STPG1: variants seen among roughly 807,000 people sequenced by gnomAD.
STPG1 encodes the protein sperm tail PG-rich repeat containing 1.
Under a neutral mutation model 40.1 loss-of-function variants are expected in STPG1, and 33 were observed. The ratio of observed to expected loss-of-function variants is 0.82; its 90% CI spans 0.62 to 1.10. The LOEUF (loss-of-function observed/expected upper bound fraction) is 1.10. Ranked by LOEUF, STPG1 falls within the 50% of genes least tolerant of loss-of-function variation. The pLI is 0.00. For synonymous variants in STPG1, 150 were observed against 155.0 expected (o/e 0.97, Z 0.24); for missense variants, 396 against 415.1 (o/e 0.95, Z 0.40).
At chr1:24,396,633 A>G (rs774539453) in intron 2 of STPG1, among the ~76,000 whole-genome samples, 47 of 152,202 alleles carry the variant, frequency 3.1e-4, no homozygotes, top group Admixed American at 5.2e-4. Context: ...AGTGGGTCAG[A>G]TTTGGTCCAA....
At chr1:24,378,509 C>T (rs1642133187) in intron 5 of STPG1, among the ~76,000 whole-genome samples, 1 of 152,078 alleles carries the variant, frequency 6.6e-6, no homozygotes, top group Admixed American at 6.5e-5. Flanking sequence ...GTGGCGGGTG[C>T]CTGTAGTCCC....
At position 24,399,477 on chromosome 1, in the gene STPG1, G is replaced by T. The variant is rs1249543486; in HGVS notation, c.70+1842C>A. On this transcript the variant is annotated intron_variant, in intron 2 of 8. Coordinates refer to ENST00000337248, the MANE Select transcript of STPG1 (RefSeq NM_001199013.2). This position sits in a 1 kb window ranked among gnomAD's most constrained non-coding sequence, Gnocchi z 4.0. ...TCTAGAAGAAACTATCTTGGGATGG[G>T]CAAAGATTTCTTAAGTATTAATAAA... Among the ~76,000 whole-genome samples the T allele has an allele frequency of 1.3e-5, 2 of 152,078 alleles. No individual in the cohort carries two copies. Among genetic ancestry groups the T allele is most frequent in the Middle Eastern group, 3.2e-3 (1 of 316 alleles).
intron 2 of STPG1, among the ~76,000 whole-genome samples, chr1:24,396,299 C>CTATCTATCTATCTATCTATCATCT (rs58386447): frequency 1.8e-4 from 26 of 144,442 alleles, no homozygotes; most frequent in Middle Eastern, 3.5e-3. Flanking sequence ...ATCTATCTAT[C>CTATCTATCTATCTATCTATCATCT]ATCTATCTAT....
At chr1:24,364,286 A>G (rs1285127281) in intron 7 of STPG1, 1 of 1,549,430 alleles carries the variant, frequency 6.5e-7, no homozygotes, top group Non-Finnish European at 8.7e-7. Context: ...GGTTTTGGAG[A>G]TGGATTTTGG....
intron 1 of STPG1, among the ~76,000 whole-genome samples, chr1:24,410,241 G>A (rs911416658): frequency 3.3e-5 from 5 of 152,140 alleles, no homozygotes; most frequent in African/African-American, 1.2e-4. Flanking sequence ...AATAAGGGAG[G>A]ACTACTATAA....
At chr1:24,361,158 G>A (rs983092920) in intron 7 of STPG1, 117 bp from the exon 8 acceptor site, 30 of 962,086 alleles carry the variant, frequency 3.1e-5, no homozygotes, top group East Asian at 2.2e-4. Flanking sequence ...GACTGGTCAC[G>A]GCACTGGGGC....
At chr1:24,393,357 T>C (rs886955687) in intron 2 of STPG1, among the ~76,000 whole-genome samples, 2 of 152,194 alleles carry the variant, frequency 1.3e-5, no homozygotes, top group African/African-American at 4.8e-5. Context: ...CCCCTCCCCA[T>C]TTAAGTAGAT....
chr1:24,357,900 C>A lies in STPG1; in HGVS notation c.*643G>T. On this transcript the variant is annotated 3_prime_UTR_variant, in exon 9 of 9. Transcript: ENST00000337248. ...CGCAGCCCCCGGGCCCGGCCACTGC[C>A]ATTCCAAGATGATCTCCCACTCCAA... is the stretch of plus-strand genomic sequence containing the variant. The A allele has an allele frequency of 3.1e-6, 1 of 323,410 alleles. No individual in the cohort carries two copies. Among genetic ancestry groups the A allele is most frequent in the Non-Finnish European group, 6.1e-6 (1 of 163,592 alleles). 20.0% of individuals were successfully genotyped at this position (323,410 alleles called of 1,614,324 possible).
At chr1:24,367,858 AT>A (rs1198269968) in intron 7 of STPG1, among the ~76,000 whole-genome samples, 2 of 152,142 alleles carry the variant, frequency 1.3e-5, no homozygotes, top group Non-Finnish European at 2.9e-5. Context: ...TCTTCATGGA[AT>A]CCCTACGAGA....
At chr1:24,370,200 T>C (rs78144383) in intron 6 of STPG1, among the ~76,000 whole-genome samples, 248 of 152,364 alleles carry the variant, frequency 1.6e-3, no homozygotes, top group African/African-American at 5.6e-3. Flanking sequence ...GTTTTCCTTC[T>C]CTATAAACTA....
chr1:24,361,157 C>T lies in STPG1; in HGVS notation c.738-116G>A, dbSNP rs998293958. On this transcript the variant is annotated intron_variant, in intron 7 of 8. Coordinates refer to ENST00000337248, the MANE Select transcript of STPG1 (RefSeq NM_001199013.2). ...AAGCTGTCTGGAAGAGGACTGGTCA[C>T]GGCACTGGGGCAGAGCCCTAGCTCC... 13 of 980,524 alleles carry T rather than the reference C, an allele frequency of 1.3e-5. No homozygotes were observed. In the Admixed American group the frequency reaches 2.6e-4, roughly 19 times the overall value. 60.7% of individuals were successfully genotyped at this position (980,524 alleles called of 1,614,324 possible). A position where few individuals can be genotyped will look rare whatever the true frequency, so the allele number is the denominator to read the frequency against.
chr1:24,389,286 C>T (rs905475842), intron 3 of STPG1, among the ~76,000 whole-genome samples: 5 of 152,082 alleles, frequency 3.3e-5, no homozygotes, highest in Non-Finnish European at 7.3e-5. Flanking sequence ...GGCCCATCCA[C>T]GGTAGCTGAC....
chr1:24,369,941 A>G lies in STPG1; in HGVS notation c.572-102T>C, dbSNP rs893222719. On this transcript the variant is annotated intron_variant, in intron 6 of 8. Transcript: ENST00000337248. ...ACACACCTGATGGCTGCAAGGCACC[A>G]TCACTCTAGGATGGCCAAGTGGAAG... is the stretch of plus-strand genomic sequence containing the variant. 1.4e-5 allele frequency: 15 copies of G among 1,078,290 alleles called. No individual in the cohort carries two copies. The Admixed American group carries it at 2.3e-4, about 17-fold the overall frequency. The allele number at this position is 1,078,290 out of a possible 1,614,324, so 66.8% of individuals were successfully genotyped here. A position where few individuals can be genotyped will look rare whatever the true frequency, so the allele number is the denominator to read the frequency against.
chr1:24,360,062 G>A (rs572848569), intron 8 of STPG1, among the ~76,000 whole-genome samples: 29 of 152,272 alleles, frequency 1.9e-4, no homozygotes, highest in African/African-American at 6.7e-4. Flanking sequence ...AACTCGCTGC[G>A]GACCTGTGGC....
At chr1:24,413,901 C>T (rs1643889638), upstream of STPG1, 1 of 152,202 alleles carries the variant, frequency 6.6e-6, no homozygotes, top group Admixed American at 6.5e-5. Flanking sequence ...ACATCAGGGC[C>T]TGTAGCGGGG....
chr1:24,403,218 T>C (rs1281610822), intron 1 of STPG1, among the ~76,000 whole-genome samples: 1 of 152,180 alleles, frequency 6.6e-6, no homozygotes, highest in Admixed American at 6.5e-5. Context: ...CTAAAAAGAA[T>C]ACCCTTTTTT....
At chr1:24,376,667 T>C (rs146697911) in intron 5 of STPG1, among the ~76,000 whole-genome samples, 1 of 152,220 alleles carries the variant, frequency 6.6e-6, no homozygotes, top group Non-Finnish European at 1.5e-5. Flanking sequence ...TAGACAGTGA[T>C]TCGGGGAGAA....
intron 1 of STPG1, among the ~76,000 whole-genome samples, chr1:24,412,716 G>A (rs1225782499): frequency 6.6e-6 from 1 of 152,140 alleles, no homozygotes; most frequent in East Asian, 1.9e-4. Flanking sequence ...TAATAGTATT[G>A]AGAATTTTTA....
At chr1:24,372,975 A>G (rs958442389) in intron 6 of STPG1, among the ~76,000 whole-genome samples, 2 of 152,312 alleles carry the variant, frequency 1.3e-5, no homozygotes, top group African/African-American at 4.8e-5. Flanking sequence ...CAGGGGAAAC[A>G]CTTGCAGGAA....
Sources: gnomAD v4.1 joint callset for allele counts (sites outside exome capture counted in the v4.1 genomes callset) on GRCh38, gnomAD v4.1.1 for gene constraint, Gnocchi (gnomAD v3.1) non-coding constraint, MANE v1.5 for transcripts, NCBI Gene and HGNC (gene_info 2026-07-23, HGNC 2026-07-21) for gene names.